ZDHHC2: variants seen among roughly 807,000 people sequenced by gnomAD.
The protein encoded by ZDHHC2 is zDHHC palmitoyltransferase 2.
A neutral mutation model predicts 55.6 loss-of-function variants in ZDHHC2; 51 were observed. The observed-to-expected ratio is 0.92, with a 90% CI of 0.73 to 1.16. The LOEUF (loss-of-function observed/expected upper bound fraction) is 1.16. ZDHHC2 is among the 50% of genes most tolerant of loss of function. ZDHHC2 has a pLI of 0.00. For synonymous variants in ZDHHC2, 199 were observed against 152.9 expected, an observed-to-expected ratio of 1.30 and a Z score of -2.22; for missense variants, 491 against 442.4, an observed-to-expected ratio of 1.11 and a Z score of -0.99.
chr8:17,187,603 C>A (rs1805779657), intron 3 of ZDHHC2, among the ~76,000 whole-genome samples: 1 of 152,092 alleles, frequency 6.6e-6, no homozygotes, highest in African/African-American at 2.4e-5. Flanking sequence ...CTATTCTCCA[C>A]TTCTTTTTCT....
At chr8:17,208,291 T>C (rs893736389) in intron 8 of ZDHHC2, among the ~76,000 whole-genome samples, 199 bp downstream of exon 8, 15 of 149,862 alleles carry the variant, frequency 1.0e-4, no homozygotes, top group African/African-American at 3.7e-4. Context: ...GTCTCATATA[T>C]ATGTATATAT....
intron 3 of ZDHHC2, among the ~76,000 whole-genome samples, chr8:17,187,038 C>G (rs557367376): frequency 6.6e-6 from 1 of 152,310 alleles, no homozygotes; most frequent in Non-Finnish European, 1.5e-5. Context: ...AGAACACTTT[C>G]TAGACATTGC....
rs1563161366 is a variant in ZDHHC2, at chr8:17,199,559, G to GTCTTCA, written c.476+1151_476+1152insATCTTC. On this transcript the variant is annotated intron_variant, in intron 6 of 12. Transcript: ENST00000262096. ...GTCTTCGTCTTCTGTCTTCGTCTTC[G>GTCTTCA]TCTTCTTCGTCTTTGTCTTCTTCTT... Among the ~76,000 whole-genome samples, 50 of 54,132 alleles carry GTCTTCA rather than the reference G, an allele frequency of 9.2e-4. 6 individuals are homozygous for GTCTTCA. Among genetic ancestry groups the GTCTTCA allele is most frequent in the African/African-American group, 2.0e-3 (45 of 22,032 alleles). The allele number at this position is 54,132 out of a possible 152,430, so 35.5% of individuals were successfully genotyped here.
rs1272955371 is a variant in ZDHHC2, at chr8:17,221,154, T to C, written c.*933T>C. On this transcript the variant is annotated 3_prime_UTR_variant, in exon 13 of 13. Transcript: ENST00000262096. ...CTCCAGTGATATCTATATTATTTCTTTCTCGTCTCATCAAAATGATGACAG... is the reference window on the plus strand; with the variant it reads ...CTCCAGTGATATCTATATTATTTCTCTCTCGTCTCATCAAAATGATGACAG... 1 of 152,556 alleles carries C rather than the reference T, an allele frequency of 6.6e-6. No homozygotes were observed. Among genetic ancestry groups the C allele is most frequent in the African/African-American group, 2.4e-5 (1 of 41,454 alleles). The allele number at this position is 152,556 out of a possible 1,614,324, so 9.5% of individuals were successfully genotyped here. A position where few individuals can be genotyped will look rare whatever the true frequency, so the allele number is the denominator to read the frequency against.
intron 3 of ZDHHC2, among the ~76,000 whole-genome samples, chr8:17,192,864 A>T (rs1256008769): frequency 6.6e-6 from 1 of 152,176 alleles, no homozygotes; most frequent in East Asian, 1.9e-4. Context: ...AGCAGCACTT[A>T]CTGAAGAGAC....
chr8:17,199,509 T>TTCGTCTTCGTCTTCA lies in ZDHHC2; in HGVS notation c.476+1098_476+1099insGTCTTCGTCTTCATC. On this transcript the variant is annotated intron_variant, in intron 6 of 12. Transcript: ENST00000262096. ...CTTCTTCTTCTTCTTCTTCTTCTTC[T>TTCGTCTTCGTCTTCA]TCTTCGTCTTCGTCTTCGTCTTCTG... 1.7e-5 allele frequency among the ~76,000 whole-genome samples: 2 copies of TTCGTCTTCGTCTTCA among 121,208 alleles called. 1 individual carries two copies. Among genetic ancestry groups the TTCGTCTTCGTCTTCA allele is most frequent in the East Asian group, 5.6e-4 (2 of 3,550 alleles). The allele number at this position is 121,208 out of a possible 152,430, so 79.5% of individuals were successfully genotyped here.
intron 6 of ZDHHC2, among the ~76,000 whole-genome samples, chr8:17,201,481 CTTTTTTTTT>C (rs1171396792): frequency 1.3e-3 from 31 of 24,304 alleles, no homozygotes; most frequent in African/African-American, 3.0e-3. Flanking sequence ...CTCTCTCTCT[CTTTTTTTTT>C]TTTTTTTTTT....
At chr8:17,213,023 A>T (rs1048068126) in intron 10 of ZDHHC2, among the ~76,000 whole-genome samples, 2 of 152,002 alleles carry the variant, frequency 1.3e-5, no homozygotes, top group African/African-American at 4.8e-5. Context: ...TTCACTTACA[A>T]TCCTCAGACA....
intron 1 of ZDHHC2, among the ~76,000 whole-genome samples, chr8:17,180,242 C>A (rs185964825): frequency 3.5e-4 from 53 of 152,184 alleles, no homozygotes; most frequent in Non-Finnish European, 6.2e-4. Flanking sequence ...TTTAAGTTCT[C>A]AAAAGGACTA....
intron 11 of ZDHHC2, among the ~76,000 whole-genome samples, chr8:17,216,161 C>G (rs887332948): frequency 5.9e-5 from 9 of 152,182 alleles, no homozygotes; most frequent in African/African-American, 2.2e-4. Flanking sequence ...AGATTGACTA[C>G]TAACCTTTTC....
intron 12 of ZDHHC2, among the ~76,000 whole-genome samples, chr8:17,219,067 A>G (rs1585749202): frequency 6.6e-6 from 1 of 151,846 alleles, no homozygotes; most frequent in Non-Finnish European, 1.5e-5. Flanking sequence ...CTAACCAACA[A>G]GGTGAAACCC....
rs1443732827 is a variant in ZDHHC2 at position 17,221,286 on chromosome 8, A to G, written c.*1065A>G. 6.5e-6 allele frequency: 1 copy of G among 152,672 alleles called. No homozygotes were observed. Among genetic ancestry groups the G allele is most frequent in the Admixed American group, 6.5e-5 (1 of 15,284 alleles). The allele number at this position is 152,672 out of a possible 1,614,324, so 9.5% of individuals were successfully genotyped here. On this transcript the variant is annotated 3_prime_UTR_variant, in exon 13 of 13. Transcript: ENST00000262096. ...TTAGTTCAACATGAACTAAAATGGC[A>G]TGCTATTTGGAAATTTAGTTTGAGA...
intron 8 of ZDHHC2, 34 bp from the exon 9 acceptor site, chr8:17,209,898 T>G: frequency 1.3e-6 from 2 of 1,585,600 alleles, no homozygotes; most frequent in Non-Finnish European, 1.7e-6. Context: ...AATATGTTCT[T>G]TACTCATGTG....
At chr8:17,175,536 T>C (rs1026988565) in intron 1 of ZDHHC2, among the ~76,000 whole-genome samples, 2 of 152,328 alleles carry the variant, frequency 1.3e-5, no homozygotes, top group Middle Eastern at 3.4e-3. Context: ...ACTCCTAACA[T>C]GTCACAGTTT....
chr8:17,166,411 GGCGTGGAGGGTT>G (rs1228183660), intron 1 of ZDHHC2, among the ~76,000 whole-genome samples: 1 of 152,184 alleles, frequency 6.6e-6, no homozygotes, highest in Non-Finnish European at 1.5e-5. Context: ...TCAGTTAGGT[GGCGTGGAGGGTT>G]GCATTAGATC....
In ZDHHC2 at chr8:17,224,754, T is replaced by C. The variant is rs982631787; in HGVS notation, c.*4533T>C. 3.3e-5 allele frequency: 5 copies of C among 151,824 alleles called. No homozygotes were observed. The highest frequency in any genetic ancestry group is 6.6e-5 in the Admixed American group (1 of 15,210). 9.4% of individuals were successfully genotyped at this position (151,824 alleles called of 1,614,324 possible). Reference sequence around the variant, plus strand: ...TTGTGTCTTTTTCTGTCAGTATGTATGGCTCCCTAATTGAAAACATCTTAA... The same window carrying C: ...TTGTGTCTTTTTCTGTCAGTATGTACGGCTCCCTAATTGAAAACATCTTAA... On this transcript the variant is annotated 3_prime_UTR_variant, in exon 13 of 13. Coordinates refer to ENST00000262096, the MANE Select transcript of ZDHHC2 (RefSeq NM_016353.5).
At chr8:17,187,912 C>T (rs1371122838) in intron 3 of ZDHHC2, among the ~76,000 whole-genome samples, 1 of 152,206 alleles carries the variant, frequency 6.6e-6, no homozygotes, top group Non-Finnish European at 1.5e-5. Context: ...ATCACCTTCT[C>T]CTTCCCCAGA....
At chr8:17,171,069 C>T (rs1290974357) in intron 1 of ZDHHC2, among the ~76,000 whole-genome samples, 1 of 152,092 alleles carries the variant, frequency 6.6e-6, no homozygotes, top group Non-Finnish European at 1.5e-5. Context: ...CCACCATAGA[C>T]TTACATGGTT....
intron 3 of ZDHHC2, among the ~76,000 whole-genome samples, chr8:17,190,063 G>A (rs1005696270): frequency 2.0e-5 from 3 of 151,970 alleles, no homozygotes; most frequent in African/African-American, 7.3e-5. Context: ...AAGCATGGGG[G>A]AAAAATAGCA....
Sources: gnomAD v4.1 joint callset for allele counts (sites outside exome capture counted in the v4.1 genomes callset) on GRCh38, gnomAD v4.1.1 for gene constraint, MANE v1.5 for transcripts, NCBI Gene and HGNC (gene_info 2026-07-23, HGNC 2026-07-21) for gene names.